Variants in FBXO34 observed in about 807,000 individuals in gnomAD.
The protein encoded by FBXO34 is F-box only protein 34.
FBXO34 carries 12 observed loss-of-function variants against 24.5 expected under a neutral mutation model. That is an observed-to-expected ratio of 0.49 (90% CI 0.31 to 0.79). The LOEUF (loss-of-function observed/expected upper bound fraction) is 0.79, where lower values mean the gene tolerates loss of function less well. Among genes scored for constraint, FBXO34 ranks in the 30% least tolerant of loss-of-function variants. FBXO34 has a pLI of 0.04. For missense variants in FBXO34, 823 were observed against 857.7 expected (o/e 0.96, Z 0.51); for synonymous variants, 320 against 311.9 (o/e 1.03, Z -0.27).
the FBXO34 span, chr14:55,435,923 GA>G: frequency 6.4e-7 from 1 of 1,571,916 alleles, no homozygotes; most frequent in Non-Finnish European, 8.6e-7. Context: ...GTTTACAGTG[GA>G]AACTATATTC....
chr14:55,299,323 C>T, intron 1 of FBXO34: 2 of 646,598 alleles, frequency 3.1e-6, no homozygotes, highest in South Asian at 3.4e-5. Context: ...TCGACTCTCA[C>T]TCCAAAGCAG....
chr14:55,421,075 A>AAG, the FBXO34 span, among the ~76,000 whole-genome samples: 1 of 151,458 alleles, frequency 6.6e-6, no homozygotes, highest in Admixed American at 6.6e-5. Flanking sequence ...AAAAAAAAAA[A>AAG]AAAGAAAAAA....
chr14:55,320,543 A>G lies in FBXO34; in HGVS notation c.-10-29838A>G, dbSNP rs545084806. On this transcript the variant is annotated intron_variant, in intron 1 of 1. Transcript: ENST00000313833. ...GAGGCGGGCAGATCACGAGGTCAGGAGATCGAGACCATCCTGGTTAACACG... is the reference window on the plus strand; with the variant it reads ...GAGGCGGGCAGATCACGAGGTCAGGGGATCGAGACCATCCTGGTTAACACG... 2.6e-5 allele frequency among the ~76,000 whole-genome samples: 4 copies of G among 152,262 alleles called. No individual in the cohort carries two copies. The South Asian group carries it at 8.3e-4, about 32-fold the overall frequency.
chr14:55,283,850 T>C (rs569683275), intron 1 of FBXO34, among the ~76,000 whole-genome samples: 69 of 152,280 alleles, frequency 4.5e-4, no homozygotes, highest in African/African-American at 1.6e-3. Flanking sequence ...AAAAAAATAC[T>C]AACTTTACTG....
intron 1 of FBXO34, among the ~76,000 whole-genome samples, chr14:55,324,701 T>C (rs970086889): frequency 1.3e-5 from 2 of 152,212 alleles, no homozygotes; most frequent in Non-Finnish European, 2.9e-5. Context: ...GTGTGTATGC[T>C]ATTTTCTGTT....
rs1382417494 is a variant in FBXO34 at position 55,323,189 on chromosome 14, A to T, written c.-10-27192A>T. ...GACAGAGTGAGACTCTGTCTCAAAA[A>T]AAAAAAAAAAAAAAAAAAAAAAAAA... On this transcript the variant is annotated intron_variant, in intron 1 of 1. Transcript: ENST00000313833. 3.9e-4 allele frequency among the ~76,000 whole-genome samples: 11 copies of T among 28,328 alleles called. No individual in the cohort carries two copies. In the African/African-American group the frequency reaches 5.4e-3, roughly 14 times the overall value. 18.6% of individuals were successfully genotyped at this position (28,328 alleles called of 152,430 possible).
chr14:55,441,983 A>G, the FBXO34 span, among the ~76,000 whole-genome samples: 2 of 150,914 alleles, frequency 1.3e-5, no homozygotes, highest in Non-Finnish European at 3.0e-5. Flanking sequence ...GGCTGGTCTC[A>G]ATCTCCTGGC....
chr14:55,281,342 T>C (rs1165189899), intron 1 of FBXO34, among the ~76,000 whole-genome samples: 1 of 151,922 alleles, frequency 6.6e-6, no homozygotes, highest in African/African-American at 2.4e-5. Context: ...GTGGCTGCTG[T>C]ATTGGATAGG....
At chr14:55,376,709 G>C in the FBXO34 span, among the ~76,000 whole-genome samples, 1 of 152,168 alleles carries the variant, frequency 6.6e-6, no homozygotes, top group African/African-American at 2.4e-5. Flanking sequence ...ATGCGGAAGG[G>C]AAACCCAAAA....
the FBXO34 span, chr14:55,413,623 G>C: frequency 0.82 from 353,297 of 429,712 alleles, 146,880 homozygotes; most frequent in East Asian, 1. Flanking sequence ...CTAAGTGCTT[G>C]TCTGGGTGGA....
At chr14:55,310,723 G>A (rs897377179) in intron 1 of FBXO34, among the ~76,000 whole-genome samples, 2 of 152,088 alleles carry the variant, frequency 1.3e-5, no homozygotes, top group African/African-American at 4.8e-5. Flanking sequence ...CACTCTTAAG[G>A]GAGTAAGTGA....
the FBXO34 span, among the ~76,000 whole-genome samples, chr14:55,383,250 G>A: frequency 0.058 from 8,771 of 151,974 alleles, 317 homozygotes; most frequent in South Asian, 0.089. Flanking sequence ...GGGAAAAAAA[G>A]AAAGAAAATA....
At chr14:55,397,418 C>T in the FBXO34 span, 1 of 1,613,076 alleles carries the variant, frequency 6.2e-7, no homozygotes, top group Admixed American at 1.7e-5. Flanking sequence ...CTTAACCTTT[C>T]CTTCTTGTCG....
At chr14:55,312,571 T>C (rs1882783303) in intron 1 of FBXO34, among the ~76,000 whole-genome samples, 1 of 152,240 alleles carries the variant, frequency 6.6e-6, no homozygotes, top group Non-Finnish European at 1.5e-5. Context: ...AGCAAACTTC[T>C]GCCTGATCAT....
chr14:55,404,462 C>T, the FBXO34 span, among the ~76,000 whole-genome samples: 1 of 152,240 alleles, frequency 6.6e-6, no homozygotes, highest in Non-Finnish European at 1.5e-5. Flanking sequence ...AATTCAGTAC[C>T]TTCCCTAGCA....
Position 55,331,821 on chromosome 14 carries a change from C to T in FBXO34, c.-10-18560C>T, listed in dbSNP as rs367551218. Among the ~76,000 whole-genome samples, 2 of 49,468 alleles carry T rather than the reference C, an allele frequency of 4.0e-5. 1 individual carries two copies. 32.5% of individuals were successfully genotyped at this position (49,468 alleles called of 152,430 possible). A position where few individuals can be genotyped will look rare whatever the true frequency, so the allele number is the denominator to read the frequency against. On this transcript the variant is annotated intron_variant, in intron 1 of 1. Transcript: ENST00000313833. Reference sequence around the variant, plus strand: ...ATAAATATATATATATATACACCACCGGGGTGTATATATAAAAATATATAT... The same window carrying T: ...ATAAATATATATATATATACACCACTGGGGTGTATATATAAAAATATATAT...
the FBXO34 span, among the ~76,000 whole-genome samples, chr14:55,435,052 T>A: frequency 6.6e-6 from 1 of 152,096 alleles, no homozygotes; most frequent in African/African-American, 2.4e-5. Flanking sequence ...CAAGAAAGAA[T>A]AGATTTTATT....
chr14:55,369,926 C>A, downstream of FBXO34: 1 of 1,597,380 alleles, frequency 6.3e-7, no homozygotes, highest in South Asian at 1.1e-5. Context: ...GGGCCCTGAC[C>A]TGTGTGCAGA....
chr14:55,304,055 C>A (rs1256225659), intron 1 of FBXO34, among the ~76,000 whole-genome samples: 1 of 152,146 alleles, frequency 6.6e-6, no homozygotes, highest in East Asian at 1.9e-4. Context: ...GGATTTATTG[C>A]TTAGTTACAG....
Sources: gnomAD v4.1 joint callset for allele counts (sites outside exome capture counted in the v4.1 genomes callset) on GRCh38, gnomAD v4.1.1 for gene constraint, MANE v1.5 for transcripts, NCBI Gene and HGNC (gene_info 2026-07-23, HGNC 2026-07-21) for gene names.